CACNA1B: variants seen among roughly 807,000 people sequenced by gnomAD.
CACNA1B encodes the protein voltage-dependent N-type calcium channel subunit alpha-1B.
A neutral mutation model predicts 247.2 loss-of-function variants in CACNA1B; 70 were observed. The observed-to-expected ratio is 0.28, with a 90% CI of 0.23 to 0.35. CACNA1B has a LOEUF of 0.35. Among genes scored for constraint, CACNA1B ranks in the 10% least tolerant of loss-of-function variants. The pLI is 1.00. For synonymous variants in CACNA1B, 1,231 were observed against 1,294.4 expected (o/e 0.95, Z 1.05); for missense variants, 2,367 against 3,197.4 (o/e 0.74, Z 6.26).
Position 138,100,103 on chromosome 9 carries a change from G to A in CACNA1B, c.5223-2608G>A, listed in dbSNP as rs1490505164. Reference sequence around the variant, plus strand: ...TCTGGCCTGAAGAATGAGAGGAGGTGCCATTTGAGCTGAACTTAAAGGAAT... The same window carrying A: ...TCTGGCCTGAAGAATGAGAGGAGGTACCATTTGAGCTGAACTTAAAGGAAT... On this transcript the variant is annotated intron_variant, in intron 37 of 46. Transcript: ENST00000371372. The surrounding 1 kb of genome is among the most constrained non-coding windows in gnomAD (Gnocchi z 4.6). Among the ~76,000 whole-genome samples, 1 of 152,202 alleles carries A rather than the reference G, an allele frequency of 6.6e-6. No individual in the cohort carries two copies. The highest frequency in any genetic ancestry group is 2.4e-5 in the African/African-American group (1 of 41,438).
At chr9:138,016,994 G>A (rs1226392981) in intron 18 of CACNA1B, 12 of 409,370 alleles carry the variant, frequency 2.9e-5, no homozygotes, top group South Asian at 6.9e-5. Context: ...GCTGGTGCCC[G>A]TCTGACGGAC....
At position 137,913,175 on chromosome 9, in the gene CACNA1B, G is replaced by A; in HGVS notation, c.531-5G>A. The A allele has an allele frequency of 6.2e-7, 1 of 1,613,112 alleles. No homozygotes were observed. ...TACTTCCCTTCTTCTCCTTGTTTCT[G>A]CCAGGATCCTTGCCACGGCTGGAAC... On this transcript the variant is annotated splice_polypyrimidine_tract_variant and splice_region_variant and intron_variant, in intron 3 of 46. Transcript: ENST00000371372. This position sits in a 1 kb window ranked among gnomAD's most constrained non-coding sequence, Gnocchi z 5.2.
intron 31 of CACNA1B, among the ~76,000 whole-genome samples, chr9:138,066,034 G>A (rs1959903455): frequency 6.6e-6 from 1 of 152,190 alleles, no homozygotes; most frequent in African/African-American, 2.4e-5. Flanking sequence ...CCTGTCTTTG[G>A]ATCAGAACGT....
At chr9:138,071,004 ACTCT>A (rs1960113860) in intron 32 of CACNA1B, among the ~76,000 whole-genome samples, 1 of 152,112 alleles carries the variant, frequency 6.6e-6, no homozygotes, top group Non-Finnish European at 1.5e-5. Context: ...CTTCCCTGTG[ACTCT>A]GGCCAGAGGC....
chr9:138,096,563 A>T lies in CACNA1B; in HGVS notation c.5174A>T (p.His1725Leu). 1 of 1,613,050 alleles carries T rather than the reference A, an allele frequency of 6.2e-7. No individual in the cohort carries two copies. The highest frequency in any genetic ancestry group is 8.5e-7 in the Non-Finnish European group (1 of 1,179,388). Residue 1725 changes from histidine to leucine, a missense_variant, in exon 37 of 47, where the codon CAC becomes CTC. By Grantham distance (99) the His-to-Leu change is moderately conservative. Around this residue, in one of 12 missense-constraint regions of CACNA1B, gnomAD observed 55 missense variants for 107.8 expected, o/e 0.51. Coordinates refer to ENST00000371372, the MANE Select transcript of CACNA1B (RefSeq NM_000718.4). ...TRDSSILGPH[H>L]LDEFIRVWAE... ...GACTCTTCCATCCTAGGTCCTCACC[A>T]CTTGGATGAGTTCATCCGGGTCTGG... is the stretch of plus-strand genomic sequence containing the variant.
At chr9:138,099,512 C>G (rs1564285859) in intron 37 of CACNA1B, among the ~76,000 whole-genome samples, 2 of 151,482 alleles carry the variant, frequency 1.3e-5, no homozygotes, top group Admixed American at 6.6e-5. Flanking sequence ...GTGCACGTGT[C>G]TGTGGTGTGC....
chr9:138,008,303 T>C (rs1420709580), intron 16 of CACNA1B, among the ~76,000 whole-genome samples: 1 of 152,236 alleles, frequency 6.6e-6, no homozygotes, highest in Non-Finnish European at 1.5e-5. Context: ...AGTCTGACCC[T>C]GACACTGAGG....
intron 15 of CACNA1B, among the ~76,000 whole-genome samples, chr9:137,992,792 G>A (rs958727307): frequency 5.7e-5 from 7 of 122,084 alleles, no homozygotes; most frequent in South Asian, 2.5e-4. Flanking sequence ...GCGAGACTCC[G>A]TCTCAAAAAA....
At position 138,011,903 on chromosome 9, in the gene CACNA1B, G is replaced by T. The variant is rs1207043208; in HGVS notation, c.2161-1226G>T. ...AGGTGGGTCTGGGCTTCAGGATTTT[G>T]AGGAAACAGTGGTGGCCCCAGCAGT... On this transcript the variant is annotated intron_variant, in intron 17 of 46. Transcript: ENST00000371372. The surrounding 1 kb of genome is among the most constrained non-coding windows in gnomAD (Gnocchi z 4.2). 3.3e-5 allele frequency among the ~76,000 whole-genome samples: 5 copies of T among 152,334 alleles called. No individual in the cohort carries two copies. Among genetic ancestry groups the T allele is most frequent in the Non-Finnish European group, 7.4e-5 (5 of 68,026 alleles).
In CACNA1B at chr9:138,107,267, T is replaced by TTTATTTATG. The variant is rs1554759296; in HGVS notation, c.5428+1460_5428+1461insTTATTTATG. 3.7e-3 allele frequency among the ~76,000 whole-genome samples: 540 copies of TTTATTTATG among 147,400 alleles called. 6 individuals carry two copies. Among genetic ancestry groups the TTTATTTATG allele is most frequent in the East Asian group, 0.014 (72 of 4,984 alleles). On this transcript the variant is annotated intron_variant, in intron 39 of 46. Transcript: ENST00000371372. The stretch of plus-strand genomic sequence containing the variant: ...ATTTATTTATTTATTTATTTATTTA[T>TTTATTTATG]ATAGGGTCTCACTGTGTCACCCAGG...
chr9:137,878,248 G>A (rs747844000), intron 1 of CACNA1B, 31 bp downstream of exon 1: 12 of 1,211,718 alleles, frequency 9.9e-6, no homozygotes, highest in Non-Finnish European at 1.1e-5. Flanking sequence ...GGGCGGGGCC[G>A]GGCGGGGACC....
At chr9:137,904,820 T>C (rs1957279775) in intron 3 of CACNA1B, among the ~76,000 whole-genome samples, 1 of 152,184 alleles carries the variant, frequency 6.6e-6, no homozygotes, top group Admixed American at 6.5e-5. Context: ...TCTATTTTTT[T>C]CCTTATTTCC....
At chr9:138,045,751 T>C (rs1959177725) in intron 21 of CACNA1B, among the ~76,000 whole-genome samples, 1 of 151,786 alleles carries the variant, frequency 6.6e-6, no homozygotes, top group South Asian at 2.1e-4. Context: ...GCAGGGGAAG[T>C]GGCAAGGGTT....
At chr9:138,001,153 G>A (rs576585358) in intron 15 of CACNA1B, among the ~76,000 whole-genome samples, 1 of 152,250 alleles carries the variant, frequency 6.6e-6, no homozygotes, top group South Asian at 2.1e-4. Flanking sequence ...GAAATTGTCA[G>A]TATAATTCCT....
chr9:137,956,896 C>A, intron 9 of CACNA1B, 69 bp downstream of exon 9: 3 of 1,293,796 alleles, frequency 2.3e-6, no homozygotes, highest in South Asian at 1.2e-5. Context: ...GTGACACGTG[C>A]CTGCTTGCAT....
At chr9:138,044,187 G>A (rs1461907310) in intron 21 of CACNA1B, among the ~76,000 whole-genome samples, 1 of 152,234 alleles carries the variant, frequency 6.6e-6, no homozygotes, top group East Asian at 1.9e-4. Flanking sequence ...CGTCTGCCCT[G>A]TGTCGCAAAC....
Position 138,013,230 on chromosome 9 carries a change from C to A in CACNA1B, c.2262C>A (p.Ile754=), listed in dbSNP as rs201291570. The change falls in exon 18 of 47, where the codon ATC becomes ATA. Residue 754 remains isoleucine (I), a synonymous_variant. Transcript: ENST00000371372. ...VSPMSAANIS[I]AARQQNSAKA... ...CCATGTCTGCCGCGAACATCTCCAT[C>A]GCCGCGTAAGGCTCCTAGGAGTGGA... 1.9e-6 allele frequency: 3 copies of A among 1,590,878 alleles called. No individual in the cohort carries two copies. Among genetic ancestry groups the A allele is most frequent in the African/African-American group, 2.7e-5 (2 of 74,314 alleles).
At position 137,986,086 on chromosome 9, in the gene CACNA1B, C is replaced by T. The variant is rs1958358011; in HGVS notation, c.1770-327C>T. Among the ~76,000 whole-genome samples, 3 of 152,166 alleles carry T rather than the reference C, an allele frequency of 2.0e-5. No individual in the cohort carries two copies. Among genetic ancestry groups the T allele is most frequent in the Admixed American group, 2.0e-4 (3 of 15,282 alleles). On this transcript the variant is annotated intron_variant, in intron 13 of 46. Transcript: ENST00000371372. This position sits in a 1 kb window ranked among gnomAD's most constrained non-coding sequence, Gnocchi z 6.0. Reference sequence around the variant, plus strand: ...TGACTGGGTGTTGAGGAGTGAGGGGCAGGGAGGGGCCGAGGATGAAGTTTG... The same window carrying T: ...TGACTGGGTGTTGAGGAGTGAGGGGTAGGGAGGGGCCGAGGATGAAGTTTG...
intron 10 of CACNA1B, among the ~76,000 whole-genome samples, chr9:137,965,479 G>C (rs867049135): frequency 6.6e-6 from 1 of 152,242 alleles, no homozygotes; most frequent in Non-Finnish European, 1.5e-5. Context: ...CCAGGAGTTT[G>C]AGACAAGCCT....
Sources: allele counts gnomAD v4.1 joint callset (sites outside exome capture counted in the v4.1 genomes callset), GRCh38; gene constraint gnomAD v4.1.1; regional missense constraint gnomAD v4.1.1; non-coding constraint Gnocchi (gnomAD v3.1); transcripts MANE v1.5; gene names NCBI Gene and HGNC (gene_info 2026-07-23, HGNC 2026-07-21).